ADAM22: variants seen among roughly 807,000 people sequenced by gnomAD.
The protein encoded by ADAM22 is disintegrin and metalloproteinase domain-containing protein 22.
Under a neutral mutation model 144.6 loss-of-function variants are expected in ADAM22, and 65 were observed. The ratio of observed to expected loss-of-function variants is 0.45; its 90% confidence interval spans 0.37 to 0.55. ADAM22 has a LOEUF of 0.55. ADAM22 is among the 20% of genes least tolerant of loss of function. The probability of loss-of-function intolerance (pLI) is 0.00; values close to 1 mark genes in which losing one functional copy is unlikely to be tolerated. For synonymous variants in ADAM22, 391 were observed against 412.6 expected, an observed-to-expected ratio of 0.95 and a Z score of 0.63; for missense variants, 974 against 1,184.9, an observed-to-expected ratio of 0.82 and a Z score of 2.61.
chr7:88,076,503 T>A (rs1472691870), intron 4 of ADAM22, among the ~76,000 whole-genome samples: 1 of 151,984 alleles, frequency 6.6e-6, no homozygotes, highest in African/African-American at 2.4e-5. Context: ...TTCCCAGCCC[T>A]GCCGCCCCTC....
chr7:88,174,678 T>G lies in ADAM22; in HGVS notation c.2300+3117T>G, dbSNP rs2299207. Among the ~76,000 whole-genome samples the G allele has an allele frequency of 2.0e-3, 312 of 152,246 alleles. 9 individuals are homozygous for G. The East Asian group carries it at 0.048, about 23-fold the overall frequency. On this transcript the variant is annotated intron_variant, in intron 26 of 31. Transcript: ENST00000413139. ...AAAACATTCATATTTAGCTGAAATCTTATTCTCTTCCTTTGTCTGAGATGA... is the reference window on the plus strand; with the variant it reads ...AAAACATTCATATTTAGCTGAAATCGTATTCTCTTCCTTTGTCTGAGATGA...
At chr7:88,035,573 A>G (rs1214201802) in intron 3 of ADAM22, among the ~76,000 whole-genome samples, 1 of 152,230 alleles carries the variant, frequency 6.6e-6, no homozygotes, top group Non-Finnish European at 1.5e-5. Flanking sequence ...TTTTTTTAAA[A>G]ATTGGATGGT....
At chr7:88,078,165 C>T (rs937996984) in intron 4 of ADAM22, among the ~76,000 whole-genome samples, 1 of 152,188 alleles carries the variant, frequency 6.6e-6, no homozygotes, top group Non-Finnish European at 1.5e-5. Flanking sequence ...TCCAGAGGAA[C>T]GATCAGGCAG....
At chr7:88,144,995 T>G (rs1275622450) in intron 15 of ADAM22, 130 bp from the exon 16 acceptor site, 6 of 701,376 alleles carry the variant, frequency 8.6e-6, no homozygotes, top group Non-Finnish European at 1.4e-5. Flanking sequence ...GCTTTCTAGT[T>G]TAGGAAAATA....
In ADAM22 at chr7:88,196,606, T is replaced by G; in HGVS notation, c.*115T>G. ...CTCTTCAGACAATACGAAGACCCTC[T>G]GAGATGCTACAGAGGAGAGGAAGCG... On this transcript the variant is annotated 3_prime_UTR_variant, in exon 32 of 32. Coordinates refer to ENST00000413139, the MANE Select transcript of ADAM22 (RefSeq NM_001324418.2). The G allele has an allele frequency of 8.5e-7, 1 of 1,173,256 alleles. No individual in the cohort carries two copies. The highest frequency in any genetic ancestry group is 1.3e-6 in the Non-Finnish European group (1 of 789,622). 72.7% of individuals were successfully genotyped at this position (1,173,256 alleles called of 1,614,324 possible). A position where few individuals can be genotyped will look rare whatever the true frequency, so the allele number is the denominator to read the frequency against.
chr7:87,982,681 AT>A (rs1208737795), intron 3 of ADAM22, among the ~76,000 whole-genome samples: 6 of 65,018 alleles, frequency 9.2e-5, no homozygotes, highest in Admixed American at 2.6e-4. Flanking sequence ...ATATATATAT[AT>A]ATATATATAT....
intron 27 of ADAM22, among the ~76,000 whole-genome samples, chr7:88,180,402 T>C (rs1377364301): frequency 6.6e-6 from 1 of 152,062 alleles, no homozygotes; most frequent in East Asian, 1.9e-4. Context: ...TGTTGTTCTT[T>C]TGTACAAAAT....
chr7:88,129,153 G>A (rs1043433758), intron 9 of ADAM22, among the ~76,000 whole-genome samples: 1 of 151,976 alleles, frequency 6.6e-6, no homozygotes, highest in Non-Finnish European at 1.5e-5. Flanking sequence ...TTAGGATGAA[G>A]TTTCTTAGGA....
At chr7:88,103,584 G>A (rs1393860217) in intron 4 of ADAM22, among the ~76,000 whole-genome samples, 1 of 151,988 alleles carries the variant, frequency 6.6e-6, no homozygotes, top group East Asian at 1.9e-4. Context: ...ATTAGATCAA[G>A]GAGTATGAAG....
rs1851048746 is a variant in ADAM22 at position 88,199,890 on chromosome 7, A to T, written c.*3399A>T. The T allele has an allele frequency of 6.6e-6, 1 of 152,236 alleles. No individual in the cohort carries two copies. The highest frequency in any genetic ancestry group is 1.5e-5 in the Non-Finnish European group (1 of 68,048). 9.4% of individuals were successfully genotyped at this position (152,236 alleles called of 1,614,324 possible). A position where few individuals can be genotyped will look rare whatever the true frequency, so the allele number is the denominator to read the frequency against. On this transcript the variant is annotated 3_prime_UTR_variant, in exon 32 of 32. Coordinates refer to ENST00000413139, the MANE Select transcript of ADAM22 (RefSeq NM_001324418.2). ...AGGTCAGTCTGGCATAGAATTTCTG[A>T]AAGTAACATTAATAGGATTTCTAAA... is the stretch of plus-strand genomic sequence containing the variant.
intron 17 of ADAM22, among the ~76,000 whole-genome samples, chr7:88,146,901 A>T (rs963983841): frequency 6.6e-6 from 1 of 152,232 alleles, no homozygotes; most frequent in Non-Finnish European, 1.5e-5. Context: ...TAAAAAGAAG[A>T]TTAAACCAAA....
chr7:88,122,917 A>G (rs1457860509), intron 7 of ADAM22, among the ~76,000 whole-genome samples: 1 of 152,152 alleles, frequency 6.6e-6, no homozygotes, highest in Non-Finnish European at 1.5e-5. Context: ...AAGGTAGCAC[A>G]TATTTGCATC....
chr7:88,177,556 ACTTT>A (rs1176992061), intron 26 of ADAM22, among the ~76,000 whole-genome samples: 4 of 152,222 alleles, frequency 2.6e-5, no homozygotes, highest in African/African-American at 7.2e-5. Context: ...GAGAAATTCT[ACTTT>A]CTTTAGTAAA....
At chr7:88,046,936 G>T (rs1313055473) in intron 3 of ADAM22, among the ~76,000 whole-genome samples, 1 of 151,712 alleles carries the variant, frequency 6.6e-6, no homozygotes, top group Non-Finnish European at 1.5e-5. Context: ...GTGGAATGTG[G>T]TTGTTCAGAT....
At chr7:88,072,214 G>T (rs1255660358) in intron 3 of ADAM22, among the ~76,000 whole-genome samples, 2 of 152,028 alleles carry the variant, frequency 1.3e-5, no homozygotes, top group Non-Finnish European at 2.9e-5. Flanking sequence ...AGCAATACTT[G>T]TATATAGAGG....
chr7:88,008,727 A>G (rs900970679), intron 3 of ADAM22, among the ~76,000 whole-genome samples: 2 of 151,854 alleles, frequency 1.3e-5, no homozygotes, highest in African/African-American at 4.8e-5. Context: ...AGGAAGGGGA[A>G]CATCACACTC....
chr7:87,983,553 C>T (rs528242565), intron 3 of ADAM22, among the ~76,000 whole-genome samples: 1 of 152,044 alleles, frequency 6.6e-6, no homozygotes, highest in Admixed American at 6.5e-5. Flanking sequence ...TATTGTTTCT[C>T]TTAGGTTTGA....
intron 2 of ADAM22, among the ~76,000 whole-genome samples, chr7:87,954,301 T>TA (rs1472445625): frequency 6.6e-6 from 1 of 152,238 alleles, no homozygotes; most frequent in African/African-American, 2.4e-5. Flanking sequence ...TTTCCATGTT[T>TA]AGTGCTTCCT....
chr7:88,056,657 G>C, intron 3 of ADAM22, among the ~76,000 whole-genome samples: 1 of 152,208 alleles, frequency 6.6e-6, no homozygotes, highest in East Asian at 1.9e-4. Context: ...TAATATATAT[G>C]ATGTTTTCTC....
Sources: gnomAD v4.1 joint callset for allele counts (sites outside exome capture counted in the v4.1 genomes callset) on GRCh38, gnomAD v4.1.1 for gene constraint, MANE v1.5 for transcripts, NCBI Gene and HGNC (gene_info 2026-07-23, HGNC 2026-07-21) for gene names.